TSPAN18: variants seen among roughly 807,000 people sequenced by gnomAD.
The protein encoded by TSPAN18 is tetraspanin 18, also known as tetraspanin-18.
TSPAN18 carries 14 observed loss-of-function variants against 27.3 expected under a neutral mutation model. That is an observed-to-expected ratio of 0.51 (90% CI 0.34 to 0.80). The LOEUF is 0.80. TSPAN18 is among the 30% of genes least tolerant of loss of function. TSPAN18 has a pLI of 0.01. For synonymous variants in TSPAN18, 143 were observed against 136.5 expected, an observed-to-expected ratio of 1.05 and a Z score of -0.33; for missense variants, 268 against 323.9, an observed-to-expected ratio of 0.83 and a Z score of 1.32.
chr11:44,906,073 A>G (rs1859442633), intron 3 of TSPAN18, among the ~76,000 whole-genome samples: 1 of 152,236 alleles, frequency 6.6e-6, no homozygotes, highest in Non-Finnish European at 1.5e-5. Flanking sequence ...CACGTGCCCG[A>G]CGATGTGCTA....
chr11:44,918,191 C>T (rs975081553), intron 6 of TSPAN18, 145 bp downstream of exon 6: 6 of 835,912 alleles, frequency 7.2e-6, no homozygotes, highest in South Asian at 3.3e-5. Context: ...CATGGCCCCA[C>T]CCGCCTGGCA....
intron 2 of TSPAN18, among the ~76,000 whole-genome samples, chr11:44,775,832 T>C (rs1590449294): frequency 6.6e-6 from 1 of 152,222 alleles, no homozygotes; most frequent in Non-Finnish European, 1.5e-5. Context: ...GATAAAAATA[T>C]AAAGCTAAGT....
intron 2 of TSPAN18, among the ~76,000 whole-genome samples, chr11:44,812,456 T>C (rs1856738073): frequency 6.6e-6 from 1 of 152,172 alleles, no homozygotes; most frequent in Non-Finnish European, 1.5e-5. Context: ...GCAGTTAAAC[T>C]AAAAGAATCC....
intron 2 of TSPAN18, among the ~76,000 whole-genome samples, chr11:44,848,387 C>T (rs567084528): frequency 2.0e-5 from 3 of 152,318 alleles, no homozygotes; most frequent in Admixed American, 6.5e-5. Context: ...GAGCTGCCTT[C>T]CCCCAAGGAG....
chr11:44,859,606 AC>A (rs1565180447), intron 2 of TSPAN18: 1 of 152,220 alleles, frequency 6.6e-6, no homozygotes, highest in African/African-American at 2.4e-5. Flanking sequence ...CTTGAGCAGA[AC>A]CAAGAAGCAT....
In TSPAN18 at chr11:44,873,323, C is replaced by T. The variant is rs76643343; in HGVS notation, c.-11+12854C>T. Among the ~76,000 whole-genome samples the T allele has an allele frequency of 1.1e-3, 173 of 152,274 alleles. 3 individuals are homozygous for T. The East Asian group carries it at 0.031, about 27-fold the overall frequency. ...TCAAGGGACCTATGTGGTCTGGGCA[C>T]ACCATGACAGCCCAGAGATTCTGGA... On this transcript the variant is annotated intron_variant, in intron 3 of 9. Coordinates refer to ENST00000520358, the MANE Select transcript of TSPAN18 (RefSeq NM_130783.5).
chr11:44,903,248 G>T (rs1859331170), intron 3 of TSPAN18: 1 of 370,822 alleles, frequency 2.7e-6, no homozygotes. Context: ...CCTGTGACGA[G>T]TCTTAAAGGA....
At chr11:44,849,629 C>T (rs1857556143) in intron 2 of TSPAN18, among the ~76,000 whole-genome samples, 2 of 152,112 alleles carry the variant, frequency 1.3e-5, no homozygotes, top group South Asian at 2.1e-4. Flanking sequence ...GGTTGCAGCC[C>T]GTGGCACTGC....
At chr11:44,862,107 G>T (rs903555259) in intron 3 of TSPAN18, among the ~76,000 whole-genome samples, 2 of 151,982 alleles carry the variant, frequency 1.3e-5, no homozygotes, top group African/African-American at 4.8e-5. Flanking sequence ...AAGACCAACC[G>T]CAGCCTTGCT....
chr11:44,773,909 G>A (rs1298654408), intron 2 of TSPAN18, among the ~76,000 whole-genome samples: 1 of 152,130 alleles, frequency 6.6e-6, no homozygotes, highest in African/African-American at 2.4e-5. Flanking sequence ...ATGGAGAGCT[G>A]GGCACTAAAA....
chr11:44,736,222 AAC>A (rs1479704628), intron 1 of TSPAN18: 8 of 152,200 alleles, frequency 5.3e-5, no homozygotes, highest in South Asian at 2.1e-4. Flanking sequence ...TCTGTGTCAA[AAC>A]ACACTCTGTC....
chr11:44,856,643 T>C (rs903854136), intron 2 of TSPAN18, among the ~76,000 whole-genome samples: 6 of 152,218 alleles, frequency 3.9e-5, no homozygotes, highest in South Asian at 4.1e-4. Flanking sequence ...TCTCTCATCC[T>C]TGGTGCCCCT....
intron 5 of TSPAN18, among the ~76,000 whole-genome samples, chr11:44,910,117 G>T (rs1590674084): frequency 6.6e-6 from 1 of 152,230 alleles, no homozygotes; most frequent in Non-Finnish European, 1.5e-5. Context: ...AACTTGCCCA[G>T]AGTCCCATGG....
intron 2 of TSPAN18, among the ~76,000 whole-genome samples, chr11:44,845,734 C>G (rs1287240153): frequency 6.6e-6 from 1 of 152,250 alleles, no homozygotes; most frequent in Non-Finnish European, 1.5e-5. Context: ...AGCCTGTTGC[C>G]TGATCCCAGA....
intron 1 of TSPAN18, among the ~76,000 whole-genome samples, chr11:44,735,010 G>A (rs1854755394): frequency 6.6e-6 from 1 of 152,258 alleles, no homozygotes; most frequent in African/African-American, 2.4e-5. Flanking sequence ...AAGCTGGGCA[G>A]GCTGGACACG....
At chr11:44,740,033 G>A (rs1206003650) in intron 1 of TSPAN18, among the ~76,000 whole-genome samples, 1 of 152,200 alleles carries the variant, frequency 6.6e-6, no homozygotes, top group Non-Finnish European at 1.5e-5. Flanking sequence ...CTTTCCTGAT[G>A]TCCCACCAAA....
chr11:44,929,162 T>TC lies in TSPAN18; in HGVS notation c.733dup (p.Arg245ProfsTer10), dbSNP rs1360507479. 2 of 1,613,528 alleles carry TC rather than the reference T, an allele frequency of 1.2e-6. No individual in the cohort carries two copies. The highest frequency in any genetic ancestry group is 2.7e-5 in the African/African-American group (2 of 74,904). On this transcript the variant is annotated frameshift_variant, in exon 10 of 10. Coordinates refer to ENST00000520358, the MANE Select transcript of TSPAN18 (RefSeq NM_130783.5). LOFTEE classifies it high-confidence loss of function. The stretch of plus-strand genomic sequence containing the variant: ...GCCATGATCTTTGCCATGTGCCTCT[T>TC]CCGGGGCATCCAGTAGAGGGTATGG...
intron 2 of TSPAN18, among the ~76,000 whole-genome samples, chr11:44,790,445 G>A (rs1157320628): frequency 1.3e-5 from 2 of 149,926 alleles, no homozygotes; most frequent in South Asian, 2.1e-4. Flanking sequence ...ACATGTGTTC[G>A]TGTGTGCATG....
chr11:44,885,785 T>G (rs1020364897), intron 3 of TSPAN18: 1 of 152,230 alleles, frequency 6.6e-6, no homozygotes, highest in Non-Finnish European at 1.5e-5. Context: ...CTTCCGGTTG[T>G]TCACCCTCCA....
Sources: allele counts gnomAD v4.1 joint callset (sites outside exome capture counted in the v4.1 genomes callset), GRCh38; gene constraint gnomAD v4.1.1; transcripts MANE v1.5; gene names NCBI Gene and HGNC (gene_info 2026-07-23, HGNC 2026-07-21).